RFTN1: variants seen among roughly 807,000 people sequenced by gnomAD.
RFTN1 encodes raftlin.
A neutral mutation model predicts 46.5 loss-of-function variants in RFTN1; 26 were observed. The ratio of observed to expected loss-of-function variants is 0.56; its 90% CI spans 0.41 to 0.78. RFTN1 has a LOEUF of 0.78. RFTN1 is among the 30% of genes least tolerant of loss of function. RFTN1 has a pLI of 0.00. For synonymous variants in RFTN1, 261 were observed against 284.2 expected (o/e 0.92, Z 0.82); for missense variants, 693 against 718.7 (o/e 0.96, Z 0.41).
At chr3:16,394,208 T>TAA (rs138594843) in intron 4 of RFTN1, among the ~76,000 whole-genome samples, 20 of 151,694 alleles carry the variant, frequency 1.3e-4, no homozygotes, top group African/African-American at 4.8e-4. Context: ...CCCATCTCTA[T>TAA]AAAAAAAATC....
chr3:16,394,907 A>T (rs2074433160), intron 4 of RFTN1, among the ~76,000 whole-genome samples: 1 of 152,196 alleles, frequency 6.6e-6, no homozygotes, highest in African/African-American at 2.4e-5. Context: ...GCTGAATCCC[A>T]AACAATTTGG....
intron 1 of RFTN1, among the ~76,000 whole-genome samples, chr3:16,511,387 T>A (rs982207916): frequency 2.6e-5 from 4 of 152,180 alleles, no homozygotes; most frequent in Non-Finnish European, 5.9e-5. Flanking sequence ...TACTTTAAAG[T>A]GCATAAAACC....
At position 16,336,317 on chromosome 3, in the gene RFTN1, A is replaced by G. The variant is rs2070843524; in HGVS notation, c.1147-9441T>C. On this transcript the variant is annotated intron_variant, in intron 7 of 9. Coordinates refer to ENST00000334133, the MANE Select transcript of RFTN1 (RefSeq NM_015150.2). The surrounding 1 kb of genome is among the most constrained non-coding windows in gnomAD (Gnocchi z 6.0). ...AGCCTCTTCTGCCCCAGGAGATCCCAGTCTAGGGGTGGGGAGAACAAGCAC... is the reference window on the plus strand; with the variant it reads ...AGCCTCTTCTGCCCCAGGAGATCCCGGTCTAGGGGTGGGGAGAACAAGCAC... 6.6e-6 allele frequency among the ~76,000 whole-genome samples: 1 copy of G among 152,136 alleles called. No homozygotes were observed. Among genetic ancestry groups the G allele is most frequent in the Non-Finnish European group, 1.5e-5 (1 of 68,010 alleles).
Position 16,433,018 on chromosome 3 carries a change from C to A in RFTN1, c.332+833G>T, listed in dbSNP as rs151301549. On this transcript the variant is annotated intron_variant, in intron 3 of 9. Transcript: ENST00000334133. The surrounding 1 kb of genome is among the most constrained non-coding windows in gnomAD (Gnocchi z 4.4). The stretch of plus-strand genomic sequence containing the variant: ...AAAAGGAGAGAACAAGGAGGAGCTG[C>A]TCTGTACTCCCTTTTTAAAATGTGG... Among the ~76,000 whole-genome samples the A allele has an allele frequency of 7.4e-4, 112 of 152,320 alleles. No individual in the cohort carries two copies. Among genetic ancestry groups the A allele is most frequent in the African/African-American group, 2.7e-3 (112 of 41,560 alleles).
chr3:16,411,877 T>C (rs1035541858), intron 3 of RFTN1, among the ~76,000 whole-genome samples: 14 of 152,234 alleles, frequency 9.2e-5, no homozygotes, highest in African/African-American at 3.4e-4. Context: ...AATAAGTCAA[T>C]GCTGTATCCA....
intron 2 of RFTN1, among the ~76,000 whole-genome samples, chr3:16,477,961 C>T (rs1276930639): frequency 6.6e-6 from 1 of 152,192 alleles, no homozygotes; most frequent in Non-Finnish European, 1.5e-5. Context: ...GCATGTGTCT[C>T]CACAGTATCA....
Position 16,320,451 on chromosome 3 carries a change from G to A in RFTN1, c.1332+2925C>T, listed in dbSNP as rs113159278. ...AAGCTGATTACTCATTCATTGATTCGACAAGTATCTGTTGAGCACCAACTA... is the reference window on the plus strand; with the variant it reads ...AAGCTGATTACTCATTCATTGATTCAACAAGTATCTGTTGAGCACCAACTA... On this transcript the variant is annotated intron_variant, in intron 9 of 9. Transcript: ENST00000334133. The surrounding 1 kb of genome is among the most constrained non-coding windows in gnomAD (Gnocchi z 4.5). Among the ~76,000 whole-genome samples the A allele has an allele frequency of 0.032, 4,829 of 152,232 alleles. 107 individuals carry two copies. The highest frequency in any genetic ancestry group is 0.082 in the Middle Eastern group (24 of 294).
At chr3:16,494,486 A>T (rs1021878893) in intron 1 of RFTN1, among the ~76,000 whole-genome samples, 1 of 152,226 alleles carries the variant, frequency 6.6e-6, no homozygotes, top group Non-Finnish European at 1.5e-5. Context: ...AAATAATTTT[A>T]TACTTCCAAG....
intron 7 of RFTN1, chr3:16,349,044 A>T (rs2071918665): frequency 6.6e-6 from 1 of 152,210 alleles, no homozygotes; most frequent in African/African-American, 2.4e-5. Flanking sequence ...AGGACTCAAT[A>T]ATCAGATCAT....
intron 1 of RFTN1, among the ~76,000 whole-genome samples, chr3:16,505,148 T>C (rs1305544308): frequency 6.6e-6 from 1 of 152,186 alleles, no homozygotes; most frequent in African/African-American, 2.4e-5. Flanking sequence ...ATTAACCATT[T>C]TACACCACAC....
intron 7 of RFTN1, among the ~76,000 whole-genome samples, chr3:16,332,813 T>G (rs2070457857): frequency 6.7e-6 from 1 of 149,130 alleles, no homozygotes; most frequent in Non-Finnish European, 1.5e-5. Context: ...CTTCTAATCT[T>G]TTTGTTCTTG....
At chr3:16,438,194 T>A (rs550227247) in intron 2 of RFTN1, among the ~76,000 whole-genome samples, 1 of 152,332 alleles carries the variant, frequency 6.6e-6, no homozygotes, top group Admixed American at 6.5e-5. Context: ...CCTGCTATAA[T>A]AAAATAAACC....
intron 3 of RFTN1, among the ~76,000 whole-genome samples, chr3:16,430,574 C>T (rs1193606702): frequency 1.3e-5 from 2 of 152,190 alleles, no homozygotes; most frequent in African/African-American, 4.8e-5. Context: ...CCACCTAATA[C>T]CATTGGGGCT....
At chr3:16,323,550 A>G (rs1359328895) in intron 8 of RFTN1, 93 bp from the exon 9 acceptor site, 13 of 854,164 alleles carry the variant, frequency 1.5e-5, no homozygotes, top group Non-Finnish European at 2.5e-5. Flanking sequence ...TCATCAAAGC[A>G]GACCACCCAC....
At position 16,442,818 on chromosome 3, in the gene RFTN1, C is replaced by T. The variant is rs1004831552; in HGVS notation, c.146-8781G>A. ...TTTAGTTTAAGATTGCACATATATG[C>T]AAGATTACGTAGTATTTTTCCTTCT... On this transcript the variant is annotated intron_variant, in intron 2 of 9. Coordinates refer to ENST00000334133, the MANE Select transcript of RFTN1 (RefSeq NM_015150.2). This position sits in a 1 kb window ranked among gnomAD's most constrained non-coding sequence, Gnocchi z 4.1. 2.6e-5 allele frequency among the ~76,000 whole-genome samples: 4 copies of T among 152,174 alleles called. No individual in the cohort carries two copies. The highest frequency in any genetic ancestry group is 9.7e-5 in the African/African-American group (4 of 41,444).
rs1232069977 is a variant in RFTN1, at chr3:16,507,983, A to G, written c.-9+5459T>C. Among the ~76,000 whole-genome samples the G allele has an allele frequency of 6.6e-6, 1 of 152,224 alleles. No individual in the cohort carries two copies. Among genetic ancestry groups the G allele is most frequent in the Middle Eastern group, 3.2e-3 (1 of 316 alleles). On this transcript the variant is annotated intron_variant, in intron 1 of 9. Coordinates refer to ENST00000334133, the MANE Select transcript of RFTN1 (RefSeq NM_015150.2). The surrounding 1 kb of genome is among the most constrained non-coding windows in gnomAD (Gnocchi z 7.1). Reference sequence around the variant, plus strand: ...GGTGTAAACGCCAGAGAAAGTTGTCAGTGAGGTGCATCTGGCTTCCTGGTT... The same window carrying G: ...GGTGTAAACGCCAGAGAAAGTTGTCGGTGAGGTGCATCTGGCTTCCTGGTT...
chr3:16,476,193 A>C (rs1303636180), intron 2 of RFTN1, among the ~76,000 whole-genome samples: 6 of 152,260 alleles, frequency 3.9e-5, no homozygotes, highest in Admixed American at 3.9e-4. Context: ...GTAGGGGCTC[A>C]AGATGGAGAA....
chr3:16,363,798 G>A (rs1228602456), intron 6 of RFTN1, among the ~76,000 whole-genome samples: 1 of 151,944 alleles, frequency 6.6e-6, no homozygotes, highest in East Asian at 1.9e-4. Flanking sequence ...GGCTCTCTGA[G>A]GGCGCCTTCT....
chr3:16,493,667 T>G, intron 2 of RFTN1, 58 bp downstream of exon 2: 7 of 567,930 alleles, frequency 1.2e-5, no homozygotes, highest in African/African-American at 3.4e-5. Context: ...CCCCATCCCC[T>G]GCAGGCCCCT....
Sources: gnomAD v4.1 joint callset for allele counts (sites outside exome capture counted in the v4.1 genomes callset) on GRCh38, gnomAD v4.1.1 for gene constraint, Gnocchi (gnomAD v3.1) non-coding constraint, MANE v1.5 for transcripts, NCBI Gene and HGNC (gene_info 2026-07-23, HGNC 2026-07-21) for gene names.